The following LMBR1 variants were observed in gnomAD, a reference collection of about 807,000 sequenced individuals.
LMBR1 encodes limb region 1 protein homolog.
Under a neutral mutation model 73.9 loss-of-function variants are expected in LMBR1, and 52 were observed. That is an observed-to-expected ratio of 0.70 (90% CI 0.56 to 0.89). The LOEUF (loss-of-function observed/expected upper bound fraction) is 0.89, where lower values mean the gene tolerates loss of function less well. LMBR1 is among the 40% of genes least tolerant of loss of function. LMBR1 has a pLI of 0.00. For missense variants in LMBR1, 539 were observed against 579.8 expected (o/e 0.93, Z 0.72); for synonymous variants, 215 against 209.4 (o/e 1.03, Z -0.23).
At chr7:156,700,372 T>C (rs1809377123) in intron 15 of LMBR1, among the ~76,000 whole-genome samples, 1 of 146,330 alleles carries the variant, frequency 6.8e-6, no homozygotes, top group Non-Finnish European at 1.5e-5. Flanking sequence ...AATGGGAACA[T>C]CACTCACCTC....
downstream of LMBR1, chr7:156,676,675 T>A: frequency 6.3e-7 from 1 of 1,593,076 alleles, no homozygotes; most frequent in Non-Finnish European, 8.6e-7. Flanking sequence ...CAAGGAAAGT[T>A]AGGTAATTCT....
At chr7:156,763,867 T>C in intron 5 of LMBR1, 72 bp from the exon 6 acceptor site, 1 of 1,278,452 alleles carries the variant, frequency 7.8e-7, no homozygotes, top group Non-Finnish European at 1.1e-6. Context: ...TCTGCCTATA[T>C]GAAAGCATAA....
chr7:156,777,910 C>T (rs1826440977), intron 5 of LMBR1, among the ~76,000 whole-genome samples: 1 of 152,184 alleles, frequency 6.6e-6, no homozygotes, highest in Admixed American at 6.5e-5. Flanking sequence ...ACCCCATACC[C>T]TACCCCCACC....
At chr7:156,866,923 C>T (rs1454523587) in intron 1 of LMBR1, among the ~76,000 whole-genome samples, 1 of 152,104 alleles carries the variant, frequency 6.6e-6, no homozygotes, top group Non-Finnish European at 1.5e-5. Context: ...TTTAGAAGAT[C>T]CTTGTGATAG....
chr7:156,893,049 G>C lies in LMBR1; in HGVS notation c.-56C>G. 7.1e-7 allele frequency: 1 copy of C among 1,403,446 alleles called. No individual in the cohort carries two copies. The allele number at this position is 1,403,446 out of a possible 1,614,324, so 86.9% of individuals were successfully genotyped here. ...CGTCCGCGTGCTCCGCCACACCATC[G>C]TCCGCCCGCCGCAGGGGCTCGGACA... On this transcript the variant is annotated 5_prime_UTR_variant, in exon 1 of 17. Transcript: ENST00000353442.
intron 1 of LMBR1, among the ~76,000 whole-genome samples, chr7:156,857,553 A>C (rs1158461603): frequency 2.0e-5 from 3 of 152,262 alleles, no homozygotes; most frequent in Non-Finnish European, 2.9e-5. Flanking sequence ...TGCAGCAGGC[A>C]GAAAATCAGT....
At chr7:156,776,693 T>C (rs1015290461) in intron 5 of LMBR1, among the ~76,000 whole-genome samples, 8 of 152,164 alleles carry the variant, frequency 5.3e-5, no homozygotes, top group Admixed American at 5.2e-4. Context: ...GGTTCACTAG[T>C]GAATTTTGAT....
At chr7:156,676,250 T>C (rs1487697244), downstream of LMBR1, 1 of 1,535,982 alleles carries the variant, frequency 6.5e-7, no homozygotes, top group Non-Finnish European at 8.8e-7. Context: ...TGTGTGTATA[T>C]ATATATGTAT....
At chr7:156,876,587 T>C (rs1044480542) in intron 1 of LMBR1, among the ~76,000 whole-genome samples, 1 of 152,168 alleles carries the variant, frequency 6.6e-6, no homozygotes, top group African/African-American at 2.4e-5. Context: ...CAAGTCTTAA[T>C]AAATTTAAGA....
At chr7:156,837,210 C>T (rs910115014) in intron 1 of LMBR1, among the ~76,000 whole-genome samples, 6 of 151,566 alleles carry the variant, frequency 4.0e-5, no homozygotes, top group Non-Finnish European at 8.8e-5. Context: ...GGCGGTGCAC[C>T]TGCAATCCCA....
intron 5 of LMBR1, among the ~76,000 whole-genome samples, chr7:156,777,017 C>T (rs934926056): frequency 1.4e-4 from 22 of 151,930 alleles, no homozygotes; most frequent in African/African-American, 5.3e-4. Context: ...CCGCAAGCTC[C>T]GCTTCCTGGG....
At chr7:156,839,704 T>C (rs1838302889) in intron 1 of LMBR1, among the ~76,000 whole-genome samples, 1 of 152,074 alleles carries the variant, frequency 6.6e-6, no homozygotes, top group Non-Finnish European at 1.5e-5. Context: ...CTACTAGCTG[T>C]GTGCCAAAGC....
intron 15 of LMBR1, among the ~76,000 whole-genome samples, chr7:156,716,268 G>C (rs1174899821): frequency 6.6e-6 from 1 of 152,176 alleles, no homozygotes; most frequent in African/African-American, 2.4e-5. Context: ...AAGGTGAATG[G>C]GAGAAGACTG....
At chr7:156,762,088 AAC>A in intron 8 of LMBR1, 44 bp downstream of exon 8, 1 of 1,076,178 alleles carries the variant, frequency 9.3e-7, no homozygotes, top group Non-Finnish European at 1.4e-6. Flanking sequence ...ATCAAATGTA[AAC>A]ACATTTATTT....
At chr7:156,755,942 C>G (rs796684909) in intron 9 of LMBR1, among the ~76,000 whole-genome samples, 5 of 152,068 alleles carry the variant, frequency 3.3e-5, no homozygotes, top group Non-Finnish European at 7.4e-5. Flanking sequence ...AAATGCAGTT[C>G]GTTATTAATT....
At chr7:156,891,214 ATAT>A (rs1563643707) in intron 1 of LMBR1, among the ~76,000 whole-genome samples, 32 of 49,704 alleles carry the variant, frequency 6.4e-4, no homozygotes, top group East Asian at 1.1e-3. Context: ...AAAAAAAAAT[ATAT>A]ATATATATAT....
At chr7:156,776,147 A>C (rs1384093352) in intron 5 of LMBR1, among the ~76,000 whole-genome samples, 13 of 150,614 alleles carry the variant, frequency 8.6e-5, no homozygotes, top group Admixed American at 8.6e-4. Flanking sequence ...TTAGGACAAT[A>C]TCTGGTTCTT....
At chr7:156,834,964 ACC>A (rs1235377172) in intron 2 of LMBR1, among the ~76,000 whole-genome samples, 1 of 151,886 alleles carries the variant, frequency 6.6e-6, no homozygotes, top group Admixed American at 6.6e-5. Flanking sequence ...ACATGGTGAA[ACC>A]CCATCTCTAC....
chr7:156,858,571 A>G (rs1797297502), intron 1 of LMBR1, among the ~76,000 whole-genome samples: 1 of 152,216 alleles, frequency 6.6e-6, no homozygotes, highest in African/African-American at 2.4e-5. Context: ...TGAGGTCAAC[A>G]TTACCCTAAT....
Sources: gnomAD v4.1 joint callset for allele counts (sites outside exome capture counted in the v4.1 genomes callset) on GRCh38, gnomAD v4.1.1 for gene constraint, MANE v1.5 for transcripts, NCBI Gene and HGNC (gene_info 2026-07-23, HGNC 2026-07-21) for gene names.